ZNF618: variants seen among roughly 807,000 people sequenced by gnomAD.
The protein encoded by ZNF618 is neural precursor cell expressed, developmentally down-regulated 10.
A neutral mutation model predicts 103.0 loss-of-function variants in ZNF618; 34 were observed. The observed-to-expected ratio is 0.33, with a 90% CI of 0.25 to 0.44. The LOEUF (loss-of-function observed/expected upper bound fraction) is 0.44, where lower values mean the gene tolerates loss of function less well. Ranked by LOEUF, ZNF618 falls within the 20% of genes least tolerant of loss-of-function variation. The pLI is 1.00. For synonymous variants in ZNF618, 551 were observed against 542.2 expected, an observed-to-expected ratio of 1.02 and a Z score of -0.23; for missense variants, 1,059 against 1,295.4, an observed-to-expected ratio of 0.82 and a Z score of 2.80.
At chr9:114,028,599 C>T (rs533976998) in intron 10 of ZNF618, 134 bp from the exon 11 acceptor site, 207 of 1,271,728 alleles carry the variant, frequency 1.6e-4, no homozygotes, top group Non-Finnish European at 2.0e-4. Context: ...AAGTGAGAAT[C>T]CTTGTTCTCT....
rs77103003 is a variant in ZNF618 at position 113,957,085 on chromosome 9, C to G, written c.34-12032C>G. Among the ~76,000 whole-genome samples, 1,311 of 152,298 alleles carry G rather than the reference C, an allele frequency of 8.6e-3. 53 individuals are homozygous for G. Among genetic ancestry groups the G allele is most frequent in the Admixed American group, 0.063 (965 of 15,292 alleles). On this transcript the variant is annotated intron_variant, in intron 1 of 14. Transcript: ENST00000374126. The stretch of plus-strand genomic sequence containing the variant: ...CAGGGCTTGAACCCAACCCATCTGC[C>G]TGTAGATACTATGCTGGGAACTACT...
chr9:113,887,213 T>C (rs1336995243), intron 1 of ZNF618, among the ~76,000 whole-genome samples: 1 of 152,008 alleles, frequency 6.6e-6, no homozygotes. Context: ...GGTGATGTAG[T>C]GGTGTAGGCA....
At position 114,036,367 on chromosome 9, in the gene ZNF618, G is replaced by A. The variant is rs1387785898; in HGVS notation, c.1236G>A (p.Gln412=). ...ACAACAACCTGTTGGAGCACATGCA[G>A]TCCCATGCAGGTAAGTAGGATACGG... ...QFYNNLLEHM[Q]SHAADNENNI... The change falls in exon 13 of 15, where the codon CAG becomes CAA. Residue 412 remains glutamine (Q), a synonymous_variant. Transcript: ENST00000374126. 1.3e-6 allele frequency: 2 copies of A among 1,578,442 alleles called. No individual in the cohort carries two copies. Among genetic ancestry groups the A allele is most frequent in the Admixed American group, 3.6e-5 (2 of 54,890 alleles).
chr9:113,999,310 G>A (rs1588288335), intron 4 of ZNF618, among the ~76,000 whole-genome samples: 1 of 151,506 alleles, frequency 6.6e-6, no homozygotes, highest in Non-Finnish European at 1.5e-5. Context: ...GGGCAGGCGG[G>A]GCCCTGGGTT....
chr9:114,017,612 G>T (rs1199672491), intron 10 of ZNF618, among the ~76,000 whole-genome samples: 1 of 152,226 alleles, frequency 6.6e-6, no homozygotes, highest in African/African-American at 2.4e-5. Context: ...TCTCAGGGCA[G>T]TAGGGCTGGA....
At chr9:113,957,805 CTT>C (rs34031250) in intron 1 of ZNF618, among the ~76,000 whole-genome samples, 62 of 145,158 alleles carry the variant, frequency 4.3e-4, no homozygotes, top group Non-Finnish European at 4.4e-4. Flanking sequence ...CAAAAGTTTC[CTT>C]TTTTTTTTTT....
intron 12 of ZNF618, among the ~76,000 whole-genome samples, chr9:114,033,623 A>G (rs1844303138): frequency 6.6e-6 from 1 of 152,000 alleles, no homozygotes; most frequent in Non-Finnish European, 1.5e-5. Flanking sequence ...GGCCTCTCCC[A>G]CCAGACCCGG....
intron 1 of ZNF618, among the ~76,000 whole-genome samples, chr9:113,961,068 G>A (rs1836799548): frequency 6.6e-6 from 1 of 152,220 alleles, no homozygotes; most frequent in African/African-American, 2.4e-5. Flanking sequence ...CTGCCATCCA[G>A]CCTGTGTTAG....
At chr9:113,995,006 C>T (rs1027845405) in intron 3 of ZNF618, among the ~76,000 whole-genome samples, 1 of 151,812 alleles carries the variant, frequency 6.6e-6, no homozygotes, top group Non-Finnish European at 1.5e-5. Flanking sequence ...AATCCAAACA[C>T]TACCACTATT....
intron 1 of ZNF618, among the ~76,000 whole-genome samples, chr9:113,897,863 G>A (rs58242755): frequency 0.052 from 7,948 of 151,972 alleles, 642 homozygotes; most frequent in East Asian, 0.3. Flanking sequence ...GCACGATCTC[G>A]GCTCACTGCA....
At chr9:113,915,149 G>A (rs1831950986) in intron 1 of ZNF618, among the ~76,000 whole-genome samples, 1 of 152,148 alleles carries the variant, frequency 6.6e-6, no homozygotes, top group South Asian at 2.1e-4. Flanking sequence ...TTTGTGCAAG[G>A]CGCTGGAGTT....
intron 1 of ZNF618, among the ~76,000 whole-genome samples, chr9:113,925,085 A>G (rs931745604): frequency 2.6e-5 from 4 of 151,996 alleles, no homozygotes; most frequent in African/African-American, 9.7e-5. Flanking sequence ...CTGATTTTCT[A>G]CTTGCTGGAT....
chr9:113,979,986 G>C (rs1295318243), intron 2 of ZNF618, among the ~76,000 whole-genome samples: 38 of 152,258 alleles, frequency 2.5e-4, no homozygotes, highest in Admixed American at 2.5e-3. Flanking sequence ...AGAAAGGGGG[G>C]GTGGCTTGAA....
At position 114,008,364 on chromosome 9, in the gene ZNF618, C is replaced by G; in HGVS notation, c.661C>G (p.Pro221Ala). The G allele has an allele frequency of 6.2e-7, 1 of 1,613,942 alleles. No individual in the cohort carries two copies. The highest frequency in any genetic ancestry group is 8.5e-7 in the Non-Finnish European group (1 of 1,179,872). ...AVDVFSVEGA[P>A]ENRADPFDQG... ...CGCAGTGTTTAGTGTGGAAGGGGCCCCTGAGAACCGGGCAGGTAAGTCCTT... is the reference window on the plus strand; with the variant it reads ...CGCAGTGTTTAGTGTGGAAGGGGCCGCTGAGAACCGGGCAGGTAAGTCCTT... The change falls in exon 8 of 15, where the codon CCT (proline) becomes GCT (alanine). Residue 221 changes from proline to alanine, a missense_variant. By Grantham distance (27) the Pro-to-Ala change is conservative. This residue lies in a region of ZNF618 where 434 missense variants were observed against 476.0 expected (regional missense o/e 0.91). Transcript: ENST00000374126.
chr9:113,956,209 CAAAAAAAAAA>C (rs10537910), intron 1 of ZNF618, among the ~76,000 whole-genome samples: 34 of 44,564 alleles, frequency 7.6e-4, no homozygotes, highest in Middle Eastern at 0.025. Flanking sequence ...AACTCTGTCT[CAAAAAAAAAA>C]AAAAAAAAAA....
At chr9:113,934,878 T>A (rs190414984) in intron 1 of ZNF618, among the ~76,000 whole-genome samples, 2 of 152,214 alleles carry the variant, frequency 1.3e-5, no homozygotes, top group Non-Finnish European at 2.9e-5. Flanking sequence ...AGTATCCTAT[T>A]TGTACAGCCT....
chr9:113,951,169 G>A (rs1477054017), intron 1 of ZNF618, among the ~76,000 whole-genome samples: 1 of 151,504 alleles, frequency 6.6e-6, no homozygotes, highest in East Asian at 2.0e-4. Flanking sequence ...TTGCTGTGAT[G>A]GGGCTGGACT....
At chr9:113,938,256 A>G (rs967935922) in intron 1 of ZNF618, among the ~76,000 whole-genome samples, 2 of 146,678 alleles carry the variant, frequency 1.4e-5, no homozygotes, top group Admixed American at 6.9e-5. Context: ...TGCAGCCTCA[A>G]TCAAACTCCT....
chr9:113,896,547 G>GA (rs1277707403), intron 1 of ZNF618, among the ~76,000 whole-genome samples: 1 of 151,902 alleles, frequency 6.6e-6, no homozygotes, highest in Admixed American at 6.6e-5. Flanking sequence ...GCTTGCGAAA[G>GA]AAGTAATTTC....
Sources: allele counts gnomAD v4.1 joint callset (sites outside exome capture counted in the v4.1 genomes callset), GRCh38; gene constraint gnomAD v4.1.1; regional missense constraint gnomAD v4.1.1; transcripts MANE v1.5; gene names NCBI Gene and HGNC (gene_info 2026-07-23, HGNC 2026-07-21).